RALGPS1: variants seen among roughly 807,000 people sequenced by gnomAD.
The protein encoded by RALGPS1 is ras-specific guanine nucleotide-releasing factor RalGPS1.
Under a neutral mutation model 78.8 loss-of-function variants are expected in RALGPS1, and 19 were observed. The ratio of observed to expected loss-of-function variants is 0.24; its 90% CI spans 0.17 to 0.35. The LOEUF is 0.35. Ranked by LOEUF, RALGPS1 falls within the 10% of genes least tolerant of loss-of-function variation. The probability of loss-of-function intolerance (pLI) is 1.00; values close to 1 mark genes in which losing one functional copy is unlikely to be tolerated. For missense variants in RALGPS1, 454 were observed against 688.3 expected, an observed-to-expected ratio of 0.66 and a Z score of 3.81; for synonymous variants, 228 against 256.3, an observed-to-expected ratio of 0.89 and a Z score of 1.06.
At chr9:127,184,299 G>T in intron 11 of RALGPS1, 1 of 391,400 alleles carries the variant, frequency 2.6e-6, no homozygotes, top group Non-Finnish European at 4.8e-6. Context: ...CAGCTTGGGT[G>T]ACAGAGCAAG....
chr9:126,980,873 A>G (rs1464879185), intron 4 of RALGPS1, among the ~76,000 whole-genome samples: 1 of 152,230 alleles, frequency 6.6e-6, no homozygotes, highest in Non-Finnish European at 1.5e-5. Context: ...GGAAACAGCC[A>G]TCTTACCAGG....
At chr9:126,953,392 C>T (rs550435961) in intron 1 of RALGPS1, among the ~76,000 whole-genome samples, 14 of 139,086 alleles carry the variant, frequency 1.0e-4, no homozygotes, top group South Asian at 5.2e-4. Context: ...TGTGTGTGTG[C>T]GCGTGTGTGT....
chr9:127,089,260 G>T, intron 8 of RALGPS1: 1 of 1,015,682 alleles, frequency 9.8e-7, no homozygotes, highest in Non-Finnish European at 1.5e-6. Context: ...CGCTTGAAAG[G>T]TGGACCCGTC....
intron 8 of RALGPS1, among the ~76,000 whole-genome samples, chr9:127,076,519 C>A (rs1230744728): frequency 1.3e-5 from 2 of 152,144 alleles, no homozygotes; most frequent in African/African-American, 4.8e-5. Context: ...CAAACCTTTC[C>A]ATTTTTCAAA....
chr9:127,080,551 G>C (rs2051078432), intron 8 of RALGPS1, among the ~76,000 whole-genome samples: 1 of 152,136 alleles, frequency 6.6e-6, no homozygotes, highest in South Asian at 2.1e-4. Context: ...TATATGTGTT[G>C]TTTTGCACAT....
intron 1 of RALGPS1, among the ~76,000 whole-genome samples, chr9:126,934,591 AG>A (rs1340740302): frequency 6.6e-6 from 1 of 152,068 alleles, no homozygotes; most frequent in Non-Finnish European, 1.5e-5. Context: ...GCCACAAAAC[AG>A]GGGATGTGTT....
At chr9:126,955,365 C>T (rs917787868) in intron 1 of RALGPS1, among the ~76,000 whole-genome samples, 3 of 152,122 alleles carry the variant, frequency 2.0e-5, no homozygotes, top group African/African-American at 2.4e-5. Flanking sequence ...TAGCATTTCT[C>T]TCATTTATTA....
At chr9:127,021,150 C>T (rs577427649) in intron 4 of RALGPS1, among the ~76,000 whole-genome samples, 4 of 152,054 alleles carry the variant, frequency 2.6e-5, no homozygotes, top group Admixed American at 1.3e-4. Flanking sequence ...TTACTCGGGA[C>T]GCTTAGGCAG....
chr9:127,071,113 CATATAT>C (rs79918276), intron 8 of RALGPS1, among the ~76,000 whole-genome samples: 7 of 148,042 alleles, frequency 4.7e-5, no homozygotes, highest in African/African-American at 4.9e-5. Flanking sequence ...CTAAAGCAAA[CATATAT>C]ATATATATAT....
intron 8 of RALGPS1, among the ~76,000 whole-genome samples, chr9:127,133,903 C>T (rs1426989199): frequency 1.3e-5 from 2 of 152,076 alleles, no homozygotes; most frequent in African/African-American, 2.4e-5. Context: ...GTCAGATGCT[C>T]CTTTCCTGAC....
chr9:127,036,171 A>T (rs553880367), intron 5 of RALGPS1, among the ~76,000 whole-genome samples: 4 of 152,310 alleles, frequency 2.6e-5, no homozygotes, highest in Admixed American at 2.0e-4. Flanking sequence ...ATTTTTTTTC[A>T]AACAGTGCTC....
chr9:126,915,901 A>G (rs181046832), intron 1 of RALGPS1, among the ~76,000 whole-genome samples: 1 of 152,206 alleles, frequency 6.6e-6, no homozygotes, highest in East Asian at 1.9e-4. Flanking sequence ...GCTGCTGTAG[A>G]TCTCAGCAGT....
intron 4 of RALGPS1, among the ~76,000 whole-genome samples, chr9:127,023,605 A>G (rs534567844): frequency 6.6e-6 from 1 of 152,166 alleles, no homozygotes; most frequent in Non-Finnish European, 1.5e-5. Flanking sequence ...TGACTCCCTC[A>G]GTGCTAACGC....
At chr9:126,959,195 G>A (rs2132032795) in intron 1 of RALGPS1, among the ~76,000 whole-genome samples, 1 of 151,960 alleles carries the variant, frequency 6.6e-6, no homozygotes, top group African/African-American at 2.4e-5. Context: ...CTAAGTAGCT[G>A]GGATTACAGG....
chr9:127,123,210 C>G (rs1160018417), intron 8 of RALGPS1, among the ~76,000 whole-genome samples: 1 of 152,198 alleles, frequency 6.6e-6, no homozygotes, highest in Non-Finnish European at 1.5e-5. Context: ...CAAGGCTGTC[C>G]ACACAGAAGC....
chr9:127,127,296 G>A (rs767362625), intron 8 of RALGPS1, among the ~76,000 whole-genome samples: 15 of 152,132 alleles, frequency 9.9e-5, no homozygotes, highest in Non-Finnish European at 1.3e-4. Flanking sequence ...TTTCAAGCAG[G>A]TCTTTTTAAA....
intron 17 of RALGPS1, 150 bp from the exon 18 acceptor site, chr9:127,214,601 C>T: frequency 8.0e-7 from 1 of 1,250,568 alleles, no homozygotes; most frequent in Non-Finnish European, 1.1e-6. Context: ...CTGGAGGGAG[C>T]CCTGGAGGCT....
chr9:127,093,713 C>G lies in RALGPS1; in HGVS notation c.610+24357C>G, dbSNP rs753869827. The G allele has an allele frequency of 3.1e-6, 5 of 1,612,794 alleles. No individual in the cohort carries two copies. In the South Asian group the frequency reaches 5.5e-5, roughly 18 times the overall value. Reference sequence around the variant, plus strand: ...CCAGTCACCTTGTGGGCAGCACAGACATCCCCTGCCGAGTCTCACCTTGTA... The same window carrying G: ...CCAGTCACCTTGTGGGCAGCACAGAGATCCCCTGCCGAGTCTCACCTTGTA... On this transcript the variant is annotated intron_variant, in intron 8 of 18. Coordinates refer to ENST00000259351, the MANE Select transcript of RALGPS1 (RefSeq NM_014636.3).
At chr9:127,128,788 T>G (rs866577658) in intron 8 of RALGPS1, among the ~76,000 whole-genome samples, 2 of 152,222 alleles carry the variant, frequency 1.3e-5, no homozygotes, top group Non-Finnish European at 2.9e-5. Flanking sequence ...CTTGGACTTG[T>G]GGGACGATTC....
Sources: gnomAD v4.1 joint callset for allele counts (sites outside exome capture counted in the v4.1 genomes callset) on GRCh38, gnomAD v4.1.1 for gene constraint, MANE v1.5 for transcripts, NCBI Gene and HGNC (gene_info 2026-07-23, HGNC 2026-07-21) for gene names.